The following COL9A1 variants were observed in gnomAD, a reference collection of about 807,000 sequenced individuals.
COL9A1 encodes collagen type IX alpha 1 chain, also known as collagen alpha-1(IX) chain.
Under a neutral mutation model 142.6 loss-of-function variants are expected in COL9A1, and 104 were observed. That is an observed-to-expected ratio of 0.73 (90% CI 0.62 to 0.86). The LOEUF (loss-of-function observed/expected upper bound fraction) is 0.86. Ranked by LOEUF, COL9A1 falls within the 40% of genes least tolerant of loss-of-function variation. The pLI, the probability that COL9A1 is intolerant of heterozygous loss-of-function variation, is 0.00. For synonymous variants in COL9A1, 466 were observed against 396.0 expected (o/e 1.18, Z -2.10); for missense variants, 1,210 against 1,176.6 (o/e 1.03, Z -0.42).
intron 5 of COL9A1, among the ~76,000 whole-genome samples, chr6:70,292,875 C>T (rs760217723): frequency 5.3e-5 from 8 of 152,156 alleles, no homozygotes; most frequent in Non-Finnish European, 1.0e-4. Flanking sequence ...GGCTTTCTAA[C>T]TCAGCCACTT....
At chr6:70,237,746 A>G (rs1404288955) in intron 33 of COL9A1, among the ~76,000 whole-genome samples, 2 of 152,226 alleles carry the variant, frequency 1.3e-5, no homozygotes, top group Non-Finnish European at 1.5e-5. Flanking sequence ...AAAAATTCTT[A>G]GGCATAAAAA....
At chr6:70,293,630 T>TTC (rs1773733686) in intron 5 of COL9A1, among the ~76,000 whole-genome samples, 2 of 74,216 alleles carry the variant, frequency 2.7e-5, no homozygotes, top group African/African-American at 1.0e-4. Flanking sequence ...CTCTCTCTCT[T>TTC]TCACACACAC....
intron 2 of COL9A1, among the ~76,000 whole-genome samples, chr6:70,301,781 C>G (rs1774072617): frequency 6.6e-6 from 1 of 152,194 alleles, no homozygotes; most frequent in African/African-American, 2.4e-5. Flanking sequence ...CACAGATTGG[C>G]CTTCCTACCA....
rs141213987 is a variant in COL9A1, at chr6:70,228,728, A to G, written c.2504-2719T>C. ...TGTGAATGTTTTTATGATAAACTAC[A>G]TTTCATCACATTTCAAAACAATTTA... On this transcript the variant is annotated intron_variant, in intron 36 of 37. Transcript: ENST00000357250. Among the ~76,000 whole-genome samples, 330 of 152,280 alleles carry G rather than the reference A, an allele frequency of 2.2e-3. 1 individual carries two copies. Among genetic ancestry groups the G allele is most frequent in the African/African-American group, 7.6e-3 (316 of 41,568 alleles).
chr6:70,275,616 A>T (rs566563938), intron 10 of COL9A1, among the ~76,000 whole-genome samples: 2 of 152,234 alleles, frequency 1.3e-5, no homozygotes, highest in Non-Finnish European at 2.9e-5. Context: ...TGATAATATC[A>T]CATATATACA....
At chr6:70,293,444 A>G (rs1773726091) in intron 5 of COL9A1, among the ~76,000 whole-genome samples, 2 of 152,150 alleles carry the variant, frequency 1.3e-5, no homozygotes, top group South Asian at 4.1e-4. Flanking sequence ...TCTCTGCAGT[A>G]AAATCATGAA....
intron 21 of COL9A1, among the ~76,000 whole-genome samples, chr6:70,255,697 G>A (rs1021722319): frequency 6.6e-6 from 1 of 152,184 alleles, no homozygotes; most frequent in African/African-American, 2.4e-5. Flanking sequence ...GTAACTGCAT[G>A]TACATATCAG....
intron 20 of COL9A1, among the ~76,000 whole-genome samples, chr6:70,258,098 C>T (rs779778811): frequency 5.3e-5 from 8 of 152,200 alleles, no homozygotes; most frequent in Non-Finnish European, 1.2e-4. Flanking sequence ...ATATTGTACA[C>T]TATCACCTCT....
At chr6:70,288,516 C>A (rs1303184289) in intron 5 of COL9A1, among the ~76,000 whole-genome samples, 1 of 152,206 alleles carries the variant, frequency 6.6e-6, no homozygotes, top group African/African-American at 2.4e-5. Flanking sequence ...CTGGTAGCCA[C>A]CCATCTCACA....
chr6:70,234,999 A>G, intron 33 of COL9A1, 59 bp from the exon 34 acceptor site: 1 of 1,607,352 alleles, frequency 6.2e-7, no homozygotes, highest in Non-Finnish European at 8.5e-7. Flanking sequence ...TGCCTGCTTC[A>G]TACTCATATA....
intron 35 of COL9A1, among the ~76,000 whole-genome samples, chr6:70,234,180 G>A (rs1769736554): frequency 6.6e-6 from 1 of 152,012 alleles, no homozygotes; most frequent in Admixed American, 6.6e-5. Flanking sequence ...CACACTAAGT[G>A]GTAGGGTCTT....
intron 29 of COL9A1, 169 bp from the exon 30 acceptor site, chr6:70,242,204 G>A (rs142829416): frequency 1.5e-6 from 1 of 686,504 alleles, no homozygotes. Context: ...GGAGAAGAGG[G>A]CGGGGCCAAT....
chr6:70,233,081 C>T (rs516166), intron 35 of COL9A1, among the ~76,000 whole-genome samples: 77,459 of 151,706 alleles, frequency 0.51, 20,142 homozygotes, highest in African/African-American at 0.56. Flanking sequence ...TTGGGGTGAA[C>T]GATGTTCTGG....
intron 37 of COL9A1, 96 bp from the exon 38 acceptor site, chr6:70,217,177 T>A: frequency 8.3e-7 from 1 of 1,199,798 alleles, no homozygotes; most frequent in Non-Finnish European, 1.2e-6. Flanking sequence ...ATAAGGGGTT[T>A]AACAAACGCT....
intron 36 of COL9A1, among the ~76,000 whole-genome samples, chr6:70,229,143 AT>A (rs763608110): frequency 6.6e-6 from 1 of 152,152 alleles, no homozygotes; most frequent in Non-Finnish European, 1.5e-5. Context: ...TCTTTTGGTT[AT>A]CAGTCAGAGA....
At position 70,283,235 on chromosome 6, in the gene COL9A1, G is replaced by A. The variant is rs1210544622; in HGVS notation, c.781-317C>T. 7.6e-6 allele frequency: 11 copies of A among 1,452,662 alleles called. No individual in the cohort carries two copies. In the East Asian group the frequency reaches 2.7e-4, roughly 36 times the overall value. 90.0% of individuals were successfully genotyped at this position (1,452,662 alleles called of 1,614,324 possible). ...TTCCCCCTGTTTATGAATGGCCCCG[G>A]AGAGGGTCCTGGGATTGGAGGAGAG... On this transcript the variant is annotated intron_variant, in intron 6 of 37. Coordinates refer to ENST00000357250, the MANE Select transcript of COL9A1 (RefSeq NM_001851.6).
At chr6:70,222,460 G>A (rs1250162743) in intron 37 of COL9A1, among the ~76,000 whole-genome samples, 2 of 152,162 alleles carry the variant, frequency 1.3e-5, no homozygotes, top group Non-Finnish European at 2.9e-5. Context: ...TTGTGCATGT[G>A]TACTTTTTAA....
At position 70,232,688 on chromosome 6, in the gene COL9A1, G is replaced by T. The variant is rs527945609; in HGVS notation, c.2398C>A (p.Pro800Thr). 25 of 1,613,850 alleles carry T rather than the reference G, an allele frequency of 1.5e-5. 1 individual carries two copies. The highest frequency in any genetic ancestry group is 3.3e-4 in the Middle Eastern group (2 of 6,084). ...CCATTCTCTCCAGGAGGGCCGGGGGGACCAGGAGGGCCAGGCCTTCCAGGA... is the reference window on the plus strand; with the variant it reads ...CCATTCTCTCCAGGAGGGCCGGGGGTACCAGGAGGGCCAGGCCTTCCAGGA... ...GLPGRPGPPG[P>T]PGPPGENGFP... The change falls in exon 36 of 38, where the codon CCC (proline) becomes ACC (threonine). Residue 800 changes from proline to threonine, a missense_variant. Pro to Thr is a conservative substitution (Grantham distance 38, BLOSUM62 -1). Transcript: ENST00000357250.
chr6:70,266,569 G>A (rs934621141), intron 18 of COL9A1, 148 bp downstream of exon 18: 4 of 700,068 alleles, frequency 5.7e-6, no homozygotes, highest in Non-Finnish European at 1.0e-5. Context: ...AAATATTGAT[G>A]CATCTGCTTA....
Sources: allele counts gnomAD v4.1 joint callset (sites outside exome capture counted in the v4.1 genomes callset), GRCh38; gene constraint gnomAD v4.1.1; transcripts MANE v1.5; gene names NCBI Gene and HGNC (gene_info 2026-07-23, HGNC 2026-07-21).